TMC1: variants seen among roughly 807,000 people sequenced by gnomAD.
The protein encoded by TMC1 is transmembrane channel-like protein 1.
A neutral mutation model predicts 105.8 loss-of-function variants in TMC1; 84 were observed. The ratio of observed to expected loss-of-function variants is 0.79; its 90% CI spans 0.67 to 0.95. The LOEUF (loss-of-function observed/expected upper bound fraction) is 0.95, where lower values mean the gene tolerates loss of function less well. Among genes scored for constraint, TMC1 ranks in the 40% least tolerant of loss-of-function variants. TMC1 has a pLI of 0.00. For synonymous variants in TMC1, 315 were observed against 311.5 expected (o/e 1.01, Z -0.12); for missense variants, 817 against 914.1 (o/e 0.89, Z 1.37).
At chr9:72,725,321 G>GTATGTA (rs1554723222) in intron 8 of TMC1, among the ~76,000 whole-genome samples, 24 of 34,876 alleles carry the variant, frequency 6.9e-4, no homozygotes, top group Non-Finnish European at 1.0e-3. Flanking sequence ...TTTTATGTGT[G>GTATGTA]TATGTATATA....
intron 2 of TMC1, among the ~76,000 whole-genome samples, chr9:72,603,193 G>A (rs186232176): frequency 1.3e-5 from 2 of 152,228 alleles, no homozygotes; most frequent in Admixed American, 1.3e-4. Flanking sequence ...CATCTCAAAT[G>A]GACACATACT....
intron 8 of TMC1, among the ~76,000 whole-genome samples, chr9:72,710,385 C>A (rs891935875): frequency 6.6e-6 from 1 of 152,072 alleles, no homozygotes; most frequent in South Asian, 2.1e-4. Context: ...TAGTTTTAAT[C>A]CATTGTTTCT....
chr9:72,555,125 C>T (rs768581284), intron 1 of TMC1, among the ~76,000 whole-genome samples: 3 of 151,712 alleles, frequency 2.0e-5, no homozygotes, highest in Admixed American at 6.6e-5. Flanking sequence ...GTGATCCACC[C>T]GCCTCGGCCT....
intron 5 of TMC1, among the ~76,000 whole-genome samples, chr9:72,683,730 A>ATT (rs1346760975): frequency 3.6e-4 from 5 of 14,046 alleles, no homozygotes; most frequent in South Asian, 3.0e-3. Context: ...TGAGTTACAC[A>ATT]TTTTATATAT....
intron 5 of TMC1, among the ~76,000 whole-genome samples, chr9:72,660,011 C>G (rs1038322648): frequency 1.3e-5 from 2 of 152,210 alleles, no homozygotes; most frequent in African/African-American, 4.8e-5. Flanking sequence ...TGCTAATAGT[C>G]TACCTTATTC....
chr9:72,774,375 A>G (rs945025626), intron 13 of TMC1, among the ~76,000 whole-genome samples: 1 of 152,198 alleles, frequency 6.6e-6, no homozygotes, highest in Admixed American at 6.5e-5. Context: ...TTAACGAACA[A>G]TCAATATAAA....
At chr9:72,666,725 A>G (rs1045140064) in intron 5 of TMC1, among the ~76,000 whole-genome samples, 3 of 152,130 alleles carry the variant, frequency 2.0e-5, no homozygotes, top group African/African-American at 7.2e-5. Context: ...GGGAAAATAA[A>G]CAGTGGATCA....
At chr9:72,554,444 CGTCAAAAGACAGAA>C in intron 1 of TMC1, among the ~76,000 whole-genome samples, 1 of 152,176 alleles carries the variant, frequency 6.6e-6, no homozygotes, top group East Asian at 1.9e-4. Flanking sequence ...GGTTATTTCT[CGTCAAAAGACAGAA>C]CGCTGGAAAT....
At position 72,777,825 on chromosome 9, in the gene TMC1, C is replaced by T. The variant is rs562039220; in HGVS notation, c.884+5270C>T. On this transcript the variant is annotated intron_variant, in intron 13 of 23. Coordinates refer to ENST00000297784, the MANE Select transcript of TMC1 (RefSeq NM_138691.3). ...AACTAAACAGTGATAGAATAACAAG[C>T]ATATGTGGTATGCATTTATTATATG... Among the ~76,000 whole-genome samples, 11 of 152,300 alleles carry T rather than the reference C, an allele frequency of 7.2e-5. No individual in the cohort carries two copies. In the South Asian group the frequency reaches 1.4e-3, roughly 20 times the overall value.
intron 23 of TMC1, among the ~76,000 whole-genome samples, 169 bp from the exon 24 acceptor site, chr9:72,835,782 A>C (rs1829112923): frequency 6.6e-6 from 1 of 152,132 alleles, no homozygotes; most frequent in Admixed American, 6.5e-5. Flanking sequence ...TGAACATTAA[A>C]ATGGTAAATA....
chr9:72,822,708 G>A (rs913312593), intron 20 of TMC1, among the ~76,000 whole-genome samples: 3 of 152,192 alleles, frequency 2.0e-5, no homozygotes, highest in Admixed American at 1.3e-4. Flanking sequence ...AAAGGCTTTA[G>A]TTAATTGCAA....
At chr9:72,611,048 T>A (rs1320255474) in intron 2 of TMC1, among the ~76,000 whole-genome samples, 1 of 152,230 alleles carries the variant, frequency 6.6e-6, no homozygotes, top group African/African-American at 2.4e-5. Flanking sequence ...AATTGGATGA[T>A]GTAAGAAGAT....
chr9:72,618,520 A>T (rs1825185009), intron 3 of TMC1, among the ~76,000 whole-genome samples: 1 of 152,194 alleles, frequency 6.6e-6, no homozygotes, highest in South Asian at 2.1e-4. Flanking sequence ...TACTGATGTG[A>T]CTGTGCATCC....
chr9:72,771,912 A>G (rs901166806), intron 12 of TMC1, among the ~76,000 whole-genome samples: 2 of 152,188 alleles, frequency 1.3e-5, no homozygotes, highest in African/African-American at 4.8e-5. Context: ...ATGAGTTCCA[A>G]TGTCATCCCA....
chr9:72,805,561 T>C (rs765056279), intron 18 of TMC1, 51 bp downstream of exon 18: 2 of 1,491,334 alleles, frequency 1.3e-6, no homozygotes, highest in Admixed American at 3.8e-5. Context: ...TTATTTATTT[T>C]TTATTGATAA....
At chr9:72,823,603 C>T (rs1421971377) in intron 20 of TMC1, among the ~76,000 whole-genome samples, 2 of 152,014 alleles carry the variant, frequency 1.3e-5, no homozygotes, top group South Asian at 4.1e-4. Flanking sequence ...GTAAATTTTC[C>T]AAGAAATTAT....
chr9:72,667,243 A>G (rs1588021445), intron 5 of TMC1, among the ~76,000 whole-genome samples: 1 of 152,230 alleles, frequency 6.6e-6, no homozygotes, highest in Non-Finnish European at 1.5e-5. Context: ...GAGAGTGGCA[A>G]AGGAAATTCC....
intron 12 of TMC1, among the ~76,000 whole-genome samples, chr9:72,757,233 C>T (rs996694667): frequency 1.3e-5 from 2 of 152,198 alleles, no homozygotes; most frequent in Non-Finnish European, 2.9e-5. Flanking sequence ...ATTTTAATAG[C>T]TGTATTTCTC....
chr9:72,560,977 A>G (rs1330754415), intron 1 of TMC1, among the ~76,000 whole-genome samples: 4 of 152,114 alleles, frequency 2.6e-5, no homozygotes, highest in East Asian at 3.9e-4. Flanking sequence ...TTCCCATTCT[A>G]TACAACACAA....
Sources: allele counts gnomAD v4.1 joint callset (sites outside exome capture counted in the v4.1 genomes callset), GRCh38; gene constraint gnomAD v4.1.1; transcripts MANE v1.5; gene names NCBI Gene and HGNC (gene_info 2026-07-23, HGNC 2026-07-21).